The following ALDH9A1 variants were observed in gnomAD, a reference collection of about 807,000 sequenced individuals.
ALDH9A1 encodes 4-trimethylaminobutyraldehyde dehydrogenase.
A neutral mutation model predicts 56.6 loss-of-function variants in ALDH9A1; 42 were observed. The observed-to-expected ratio is 0.74, with a 90% CI of 0.58 to 0.96. The LOEUF (loss-of-function observed/expected upper bound fraction) is 0.96, where lower values mean the gene tolerates loss of function less well. Ranked by LOEUF, ALDH9A1 falls within the 40% of genes least tolerant of loss-of-function variation. ALDH9A1 has a pLI of 0.00. For missense variants in ALDH9A1, 661 were observed against 651.5 expected (o/e 1.01, Z -0.16); for synonymous variants, 242 against 236.0 (o/e 1.03, Z -0.23).
In ALDH9A1 at chr1:165,669,273, C is replaced by T. The variant is rs1198171600; in HGVS notation, c.1108G>A (p.Ala370Thr). The T allele has an allele frequency of 1.2e-6, 2 of 1,603,220 alleles. No individual in the cohort carries two copies. Among genetic ancestry groups the T allele is most frequent in the South Asian group, 2.2e-5 (2 of 88,904 alleles). The change falls in exon 7 of 11, where the codon GCA becomes ACA. Residue 370 changes from alanine to threonine, a missense_variant. Physicochemically the swap from Ala to Thr is moderately conservative, Grantham distance 58. Coordinates refer to ENST00000354775, the MANE Select transcript of ALDH9A1 (RefSeq NM_000696.4). ...LERVLGFVKVAKEQGAKVLCG... is the reference protein window; with the variant it reads ...LERVLGFVKVTKEQGAKVLCG... ...CAATTATTTCTTACCTGCTCCTTTG[C>T]CACTTTGACAAACCCAAGGACTCGC... is the stretch of plus-strand genomic sequence containing the variant.
At chr1:165,678,964 C>T (rs115442089) in intron 6 of ALDH9A1, among the ~76,000 whole-genome samples, 2,296 of 152,166 alleles carry the variant, frequency 0.015, 56 homozygotes, top group African/African-American at 0.053. Context: ...TGACTGGATC[C>T]TAGACCGGAA....
Position 165,697,419 on chromosome 1 carries a change from C to G in ALDH9A1, c.181+959G>C, listed in dbSNP as rs530350427. On this transcript the variant is annotated intron_variant, in intron 1 of 10. Transcript: ENST00000354775. ...CGTGGTAACCATTTTGCAAGGTATA[C>G]ATACATTACAACACGTTTTACACCT... Among the ~76,000 whole-genome samples the G allele has an allele frequency of 1.1e-4, 17 of 152,328 alleles. No individual in the cohort carries two copies. The East Asian group carries it at 3.3e-3, about 29-fold the overall frequency.
intron 2 of ALDH9A1, among the ~76,000 whole-genome samples, chr1:165,690,680 G>A (rs1171742529): frequency 6.6e-6 from 1 of 152,192 alleles, no homozygotes; most frequent in Admixed American, 6.5e-5. Flanking sequence ...TTTTCCAACA[G>A]TCTTAGCAAA....
At position 165,667,402 on chromosome 1, in the gene ALDH9A1, G is replaced by T; in HGVS notation, c.1256C>A (p.Pro419His). Residue 419 changes from proline (P) to histidine (H), a missense_variant, in exon 9 of 11, where the codon CCT becomes CAT. Pro to His is a moderately conservative substitution (Grantham distance 77). Transcript: ENST00000354775. ...GTCAAATGATAAAATGGACATAACA[G>T]GCCCAAAGATCTCTTCCTTCACACA... Reference protein sequence around the residue: ...MTCVKEEIFGPVMSILSFDTE... With the variant: ...MTCVKEEIFGHVMSILSFDTE... The T allele has an allele frequency of 6.2e-7, 1 of 1,614,070 alleles. No homozygotes were observed. Among genetic ancestry groups the T allele is most frequent in the Non-Finnish European group, 8.5e-7 (1 of 1,179,988 alleles).
chr1:165,696,893 C>CTTTT (rs1650106038), intron 1 of ALDH9A1, among the ~76,000 whole-genome samples: 1 of 152,106 alleles, frequency 6.6e-6, no homozygotes, highest in African/African-American at 2.4e-5. Flanking sequence ...AGGATTAAGT[C>CTTTT]GGGGTAGAGA....
chr1:165,683,029 A>T lies in ALDH9A1; in HGVS notation c.409T>A (p.Ser137Thr). The T allele has an allele frequency of 6.2e-7, 1 of 1,614,138 alleles. No individual in the cohort carries two copies. Among genetic ancestry groups the T allele is most frequent in the Non-Finnish European group, 8.5e-7 (1 of 1,179,992 alleles). The change falls in exon 3 of 11, where the codon TCC becomes ACC. Residue 137 changes from serine (S) to threonine (T), a missense_variant. Physicochemically the swap from Ser to Thr is moderately conservative, Grantham distance 58. Transcript: ENST00000354775. ...GCATAATACTCCAGGCACTGCCAGG[A>T]AATGTCAATGTCCAAGCGGGCCTCA... is the stretch of plus-strand genomic sequence containing the variant. ...IFEARLDIDI[S>T]WQCLEYYAGL...
intron 1 of ALDH9A1, chr1:165,698,114 C>T: frequency 2.4e-6 from 2 of 825,182 alleles, no homozygotes; most frequent in South Asian, 3.5e-5. Flanking sequence ...CAGTACTTTG[C>T]GAACTCTGTT....
intron 2 of ALDH9A1, among the ~76,000 whole-genome samples, chr1:165,684,951 C>T (rs1043669954): frequency 2.0e-5 from 3 of 151,752 alleles, no homozygotes; most frequent in African/African-American, 7.3e-5. Context: ...ATTAGATGGC[C>T]TTGGGAAATT....
chr1:165,672,019 G>C (rs1022738408), intron 6 of ALDH9A1, among the ~76,000 whole-genome samples: 1 of 152,212 alleles, frequency 6.6e-6, no homozygotes, highest in Non-Finnish European at 1.5e-5. Flanking sequence ...TTGTAGAAAT[G>C]TAAAATGGTG....
At chr1:165,695,072 C>T (rs1468716297) in intron 2 of ALDH9A1, among the ~76,000 whole-genome samples, 180 bp downstream of exon 2, 2 of 152,122 alleles carry the variant, frequency 1.3e-5, no homozygotes, top group African/African-American at 4.8e-5. Flanking sequence ...CAAGAGCCAA[C>T]ATCCAGATGG....
chr1:165,676,465 C>G, intron 6 of ALDH9A1: 1 of 265,802 alleles, frequency 3.8e-6, no homozygotes, highest in Non-Finnish European at 7.2e-6. Flanking sequence ...AAAAGGAATG[C>G]CCAAAAGCAT....
chr1:165,695,274 A>G lies in ALDH9A1; in HGVS notation c.305T>C (p.Leu102Ser), dbSNP rs1650035586. 6 of 1,610,564 alleles carry G rather than the reference A, an allele frequency of 3.7e-6. No individual in the cohort carries two copies. The highest frequency in any genetic ancestry group is 5.1e-6 in the Non-Finnish European group (6 of 1,178,620). Residue 102 changes from leucine to serine, a missense_variant, in exon 2 of 11, where the codon TTG becomes TCG. Leu to Ser is a moderately radical substitution (Grantham distance 145). Coordinates refer to ENST00000354775, the MANE Select transcript of ALDH9A1 (RefSeq NM_000696.4). ...KSGMERCRIL[L>S]EAARIIRERE... ...TACCCTTATTATCCTGGCAGCCTCC[A>G]AAAGGATTCGGCAACGCTCCATGCC...
At chr1:165,694,955 C>CAA (rs538042607) in intron 2 of ALDH9A1, among the ~76,000 whole-genome samples, 1 of 106,670 alleles carries the variant, frequency 9.4e-6, no homozygotes, top group African/African-American at 3.3e-5. Flanking sequence ...GATTCCGTCT[C>CAA]AAAAAAAAAA....
intron 1 of ALDH9A1, among the ~76,000 whole-genome samples, chr1:165,696,373 C>T (rs1650084310): frequency 6.6e-6 from 1 of 152,108 alleles, no homozygotes; most frequent in Admixed American, 6.6e-5. Flanking sequence ...TGCAACACTC[C>T]TAAACATTAT....
rs770756608 is a variant in ALDH9A1 at position 165,680,663 on chromosome 1, G to A, written c.613C>T (p.Pro205Ser). The part of the protein sequence containing the change: ...LACGNAMVFK[P>S]SPFTPVSALL... ...GCAGAAACAGGTGTAAAGGGAGAAG[G>A]TTTAAAGACCATGGCATTACCTGCA... is the stretch of plus-strand genomic sequence containing the variant. Residue 205 changes from proline to serine, a missense_variant, in exon 5 of 11, where the codon CCT (proline) becomes TCT (serine). By Grantham distance (74) the Pro-to-Ser change is moderately conservative (BLOSUM62 -1). Transcript: ENST00000354775. The A allele has an allele frequency of 3.7e-6, 6 of 1,611,626 alleles. No individual in the cohort carries two copies. The highest frequency in any genetic ancestry group is 1.1e-5 in the South Asian group (1 of 90,588).
At chr1:165,687,791 C>T (rs1571181689) in intron 2 of ALDH9A1, among the ~76,000 whole-genome samples, 1 of 151,974 alleles carries the variant, frequency 6.6e-6, no homozygotes, top group Admixed American at 6.6e-5. Flanking sequence ...AGTTTGAGAC[C>T]AGCCTGGCCA....
intron 4 of ALDH9A1, among the ~76,000 whole-genome samples, 196 bp downstream of exon 4, chr1:165,681,911 A>C (rs1218109453): frequency 6.6e-6 from 1 of 152,216 alleles, no homozygotes; most frequent in African/African-American, 2.4e-5. Flanking sequence ...GATTGTGTAC[A>C]ACCTTAACTA....
chr1:165,665,705 G>A (rs907054063), intron 9 of ALDH9A1, among the ~76,000 whole-genome samples: 1 of 152,134 alleles, frequency 6.6e-6, no homozygotes, highest in African/African-American at 2.4e-5. Flanking sequence ...AAACCACAAT[G>A]AGATACTACT....
At chr1:165,667,193 T>A in intron 9 of ALDH9A1, 116 bp downstream of exon 9, 1 of 1,372,258 alleles carries the variant, frequency 7.3e-7, no homozygotes, top group Non-Finnish European at 9.8e-7. Flanking sequence ...AAACAGAAAG[T>A]GCTGATGGCT....
Sources: gnomAD v4.1 joint callset for allele counts (sites outside exome capture counted in the v4.1 genomes callset) on GRCh38, gnomAD v4.1.1 for gene constraint, MANE v1.5 for transcripts, NCBI Gene and HGNC (gene_info 2026-07-23, HGNC 2026-07-21) for gene names.